Variants in ESYT2 observed in about 807,000 individuals in gnomAD.
The protein encoded by ESYT2 is extended synaptotagmin-2.
ESYT2 carries 54 observed loss-of-function variants against 107.2 expected under a neutral mutation model. That is an observed-to-expected ratio of 0.50 (90% CI 0.40 to 0.63). The LOEUF (loss-of-function observed/expected upper bound fraction) is 0.63. Among genes scored for constraint, ESYT2 ranks in the 30% least tolerant of loss-of-function variants. The pLI, the probability that ESYT2 is intolerant of heterozygous loss-of-function variation, is 0.00. For missense variants in ESYT2, 1,020 were observed against 1,094.5 expected (o/e 0.93, Z 0.96); for synonymous variants, 491 against 434.1 (o/e 1.13, Z -1.63).
Position 158,747,149 on chromosome 7 carries a change from CA to C in ESYT2, c.1644+1044del, listed in dbSNP as rs113667562. ...TCAGCTGAGGTCAGGAGTTCAAGGC[CA>C]AGCCTGGCCAACATGGTGAAACCCC... is the stretch of plus-strand genomic sequence containing the variant. On this transcript the variant is annotated intron_variant, in intron 16 of 22. Transcript: ENST00000275418. Among the ~76,000 whole-genome samples the C allele has an allele frequency of 5.3e-3, 810 of 152,092 alleles. 4 individuals carry two copies. Among genetic ancestry groups the C allele is most frequent in the African/African-American group, 0.019 (778 of 41,514 alleles).
In ESYT2 at chr7:158,767,694, C is replaced by T. The variant is rs1190640691; in HGVS notation, c.884G>A (p.Ser295Asn). Residue 295 changes from serine (S) to asparagine (N), a missense_variant, in exon 8 of 23, where the codon AGT becomes AAT. By Grantham distance (46) the Ser-to-Asn change is conservative. Coordinates refer to ENST00000275418, the MANE Select transcript of ESYT2 (RefSeq NM_001367773.1). ...CCGCAACTGAGCTATTTGAACTTCA[C>T]TGACAAGTGGAACGGTGATTCGATT... ...LPNRITVPLV[S>N]EVQIAQLRFP... 3 of 1,612,946 alleles carry T rather than the reference C, an allele frequency of 1.9e-6. No homozygotes were observed. Among genetic ancestry groups the T allele is most frequent in the Non-Finnish European group, 2.5e-6 (3 of 1,179,484 alleles).
rs1262794491 is a variant in ESYT2, at chr7:158,829,266, G to A, written c.153C>T (p.Tyr51=). 1 of 1,523,918 alleles carries A rather than the reference G, an allele frequency of 6.6e-7. No homozygotes were observed. Among genetic ancestry groups the A allele is most frequent in the Non-Finnish European group, 8.7e-7 (1 of 1,144,298 alleles). The allele number at this position is 1,523,918 out of a possible 1,614,324, so 94.4% of individuals were successfully genotyped here. A position where few individuals can be genotyped will look rare whatever the true frequency, so the allele number is the denominator to read the frequency against. ...AGCTGAGCCCCAGGTAGCCCAGCGCGTACACGGGCAGCAGCAGCGCGAAGC... is the reference window on the plus strand; with the variant it reads ...AGCTGAGCCCCAGGTAGCCCAGCGCATACACGGGCAGCAGCAGCGCGAAGC... ...ARSFALLLPV[Y]ALGYLGLSFS... The change falls in exon 1 of 23, where the codon TAC becomes TAT. Residue 51 remains tyrosine (Y), a synonymous_variant. Transcript: ENST00000275418.
chr7:158,737,030 C>G lies in ESYT2; in HGVS notation c.2399+18G>C, dbSNP rs769618054. ...CTTCAACCGGGCAGTCTATCCTCAG[C>G]TGGATAAAATACCGTACCTTTGATC... On this transcript the variant is annotated intron_variant, in intron 20 of 22. Coordinates refer to ENST00000275418, the MANE Select transcript of ESYT2 (RefSeq NM_001367773.1). 1 of 1,611,716 alleles carries G rather than the reference C, an allele frequency of 6.2e-7. No individual in the cohort carries two copies. Among genetic ancestry groups the G allele is most frequent in the East Asian group, 2.2e-5 (1 of 44,778 alleles).
intron 1 of ESYT2, among the ~76,000 whole-genome samples, chr7:158,809,497 A>AC (rs1554425656): frequency 1.4e-4 from 19 of 140,624 alleles, no homozygotes; most frequent in Middle Eastern, 3.6e-3. Context: ...AAAAAAAAAA[A>AC]CCAGGGGGGA....
chr7:158,751,836 T>C (rs1049679675), intron 14 of ESYT2, among the ~76,000 whole-genome samples: 6 of 152,332 alleles, frequency 3.9e-5, no homozygotes, highest in Non-Finnish European at 7.4e-5. Context: ...TGTTCTCAGA[T>C]AGCAAAGAAG....
rs1204754647 is a variant in ESYT2, at chr7:158,752,805, C to A, written c.1458G>T (p.Lys486Asn). Residue 486 changes from lysine to asparagine, a missense_variant, in exon 14 of 23, where the codon AAG (lysine) becomes AAT (asparagine). Transcript: ENST00000275418. ...PLEFNPDVLK[K>N]TAVQRALKSG... ...CCTTTAAAGCTCTCTGAACTGCAGT[C>A]TTCTTCAAGACATCGGGGTTAAATT... 1.5e-6 allele frequency: 2 copies of A among 1,304,194 alleles called. No homozygotes were observed. The allele number at this position is 1,304,194 out of a possible 1,614,324, so 80.8% of individuals were successfully genotyped here.
chr7:158,806,127 GGGAGGTGCCGGGGCACACCGCGTA>G (rs1462753911), intron 1 of ESYT2, among the ~76,000 whole-genome samples: 3,109 of 42,276 alleles, frequency 0.074, 125 homozygotes, highest in African/African-American at 0.15. Context: ...CACACCGCGT[GGGAGGTGCCGGGGCACACCGCGTA>G]GGAGGCGCTG....
chr7:158,798,646 C>CAA lies in ESYT2; in HGVS notation c.372+383_372+384dup, dbSNP rs57351086. On this transcript the variant is annotated intron_variant, in intron 2 of 22. Transcript: ENST00000275418. ...GGGCAACAAGAGTGAAGCTCCGTCTCAAAAAAAAAAAAAAAAAAAAAAAAA... is the reference window on the plus strand; with the variant it reads ...GGGCAACAAGAGTGAAGCTCCGTCTCAAAAAAAAAAAAAAAAAAAAAAAAAAA... Among the ~76,000 whole-genome samples the CAA allele has an allele frequency of 1.8e-3, 88 of 49,856 alleles. 13 individuals are homozygous for CAA. The highest frequency in any genetic ancestry group is 4.0e-3 in the African/African-American group (45 of 11,314). 32.7% of individuals were successfully genotyped at this position (49,856 alleles called of 152,430 possible). A position where few individuals can be genotyped will look rare whatever the true frequency, so the allele number is the denominator to read the frequency against.
At chr7:158,765,811 A>T (rs1359208906) in intron 8 of ESYT2, among the ~76,000 whole-genome samples, 4 of 152,182 alleles carry the variant, frequency 2.6e-5, no homozygotes, top group Non-Finnish European at 2.9e-5. Flanking sequence ...ATAAAATAAA[A>T]AAAAAATTCA....
chr7:158,756,342 G>T (rs572389350), intron 13 of ESYT2, among the ~76,000 whole-genome samples: 1 of 152,118 alleles, frequency 6.6e-6, no homozygotes, highest in Non-Finnish European at 1.5e-5. Context: ...AGTGCCAGAC[G>T]GGCAACATAT....
At chr7:158,800,714 TTTC>T (rs1201328047) in intron 1 of ESYT2, among the ~76,000 whole-genome samples, 1 of 150,032 alleles carries the variant, frequency 6.7e-6, no homozygotes, top group Non-Finnish European at 1.5e-5. Flanking sequence ...TAGGTTTCTT[TTTC>T]TTTTTTCTTT....
chr7:158,741,516 T>TA lies in ESYT2; in HGVS notation c.2168+6dup. On this transcript the variant is annotated splice_region_variant and intron_variant, in intron 18 of 22. Coordinates refer to ENST00000275418, the MANE Select transcript of ESYT2 (RefSeq NM_001367773.1). ...TGGTGAGAAACAACATGGTGGCACTTAGTTACTTTTCCAGCTGCCTCAGCC... is the reference window on the plus strand; with the variant it reads ...TGGTGAGAAACAACATGGTGGCACTTAAGTTACTTTTCCAGCTGCCTCAGCC... 2.6e-6 allele frequency: 4 copies of TA among 1,560,648 alleles called. No homozygotes were observed. The highest frequency in any genetic ancestry group is 1.2e-5 in the South Asian group (1 of 85,646).
chr7:158,781,594 TAA>T (rs796630903), intron 6 of ESYT2, among the ~76,000 whole-genome samples: 4 of 147,470 alleles, frequency 2.7e-5, no homozygotes, highest in African/African-American at 1.0e-4. Context: ...GGTTTGAGTA[TAA>T]GACCGAGAAC....
chr7:158,748,605 A>G (rs1044653903), intron 15 of ESYT2, among the ~76,000 whole-genome samples: 8 of 152,274 alleles, frequency 5.3e-5, no homozygotes, highest in African/African-American at 1.9e-4. Flanking sequence ...CACCAACGTA[A>G]TAGCTCCTCC....
At chr7:158,766,123 T>C (rs1838154924) in intron 8 of ESYT2, among the ~76,000 whole-genome samples, 1 of 151,622 alleles carries the variant, frequency 6.6e-6, no homozygotes, top group African/African-American at 2.4e-5. Flanking sequence ...GAGCCGAGAT[T>C]GTGCTACTGC....
At position 158,829,430 on chromosome 7, in the gene ESYT2, G is replaced by A. The variant is rs1276671664; in HGVS notation, c.-12C>T. ...CGGGCGCCGCTCATCGCCCCGCAGT[G>A]CCGCGCTGCCCTCCCGGCCGAGGCG... On this transcript the variant is annotated 5_prime_UTR_variant, in exon 1 of 23. Transcript: ENST00000275418. The A allele has an allele frequency of 3.4e-6, 4 of 1,185,870 alleles. No homozygotes were observed. The highest frequency in any genetic ancestry group is 3.2e-5 in the African/African-American group (2 of 61,896). 73.5% of individuals were successfully genotyped at this position (1,185,870 alleles called of 1,614,324 possible).
intron 16 of ESYT2, among the ~76,000 whole-genome samples, chr7:158,746,756 G>A (rs565566937): frequency 1.3e-5 from 2 of 152,208 alleles, no homozygotes; most frequent in Admixed American, 1.3e-4. Flanking sequence ...AAAGAGGCTG[G>A]GCACCGTGGC....
intron 6 of ESYT2, among the ~76,000 whole-genome samples, chr7:158,775,160 A>T (rs959126275): frequency 6.6e-6 from 1 of 152,206 alleles, no homozygotes; most frequent in East Asian, 1.9e-4. Flanking sequence ...ATATCTTTTT[A>T]AAAATGTACA....
chr7:158,810,463 A>G (rs1839962506), intron 1 of ESYT2, among the ~76,000 whole-genome samples: 1 of 152,182 alleles, frequency 6.6e-6, no homozygotes, highest in South Asian at 2.1e-4. Context: ...AGGCAGGAGG[A>G]TCACTTGAGC....
Sources: gnomAD v4.1 joint callset for allele counts (sites outside exome capture counted in the v4.1 genomes callset) on GRCh38, gnomAD v4.1.1 for gene constraint, MANE v1.5 for transcripts, NCBI Gene and HGNC (gene_info 2026-07-23, HGNC 2026-07-21) for gene names.